PLD5: variants seen among roughly 807,000 people sequenced by gnomAD.
PLD5 encodes the protein inactive phospholipase D5.
A neutral mutation model predicts 61.1 loss-of-function variants in PLD5; 36 were observed. The observed-to-expected ratio is 0.59, with a 90% CI of 0.45 to 0.78. The LOEUF (loss-of-function observed/expected upper bound fraction) is 0.78, where lower values mean the gene tolerates loss of function less well. PLD5 is among the 30% of genes least tolerant of loss of function. The probability of loss-of-function intolerance (pLI) is 0.00; values close to 1 mark genes in which losing one functional copy is unlikely to be tolerated. For missense variants in PLD5, 515 were observed against 644.4 expected (o/e 0.80, Z 2.17); for synonymous variants, 243 against 242.8 (o/e 1.00, Z -0.01).
chr1:242,300,740 TGGGTTGCAGCGGGACAA>T (rs78528281), intron 2 of PLD5, among the ~76,000 whole-genome samples: 127,644 of 151,608 alleles, frequency 0.84, 54,167 homozygotes, highest in East Asian at 0.94. Flanking sequence ...TTGTCAGAAA[TGGGTTGCAGCGGGACAA>T]GGGTTGCAGC....
At chr1:242,271,604 T>A (rs1023119021) in intron 3 of PLD5, among the ~76,000 whole-genome samples, 5 of 151,846 alleles carry the variant, frequency 3.3e-5, no homozygotes, top group African/African-American at 9.7e-5. Context: ...GGCCCAAGAA[T>A]CCTTTACACA....
chr1:242,114,239 GAATT>G (rs1467581972), intron 6 of PLD5, among the ~76,000 whole-genome samples: 1 of 152,078 alleles, frequency 6.6e-6, no homozygotes, highest in Non-Finnish European at 1.5e-5. Flanking sequence ...GTTTTGGAAA[GAATT>G]CTTTTATTAT....
chr1:242,418,559 G>A (rs941907697), intron 1 of PLD5, among the ~76,000 whole-genome samples: 1 of 152,144 alleles, frequency 6.6e-6, no homozygotes, highest in Non-Finnish European at 1.5e-5. Context: ...GGAGACCACA[G>A]CAAAGTCAGG....
At chr1:242,331,615 G>A (rs991845748) in intron 2 of PLD5, among the ~76,000 whole-genome samples, 4 of 152,076 alleles carry the variant, frequency 2.6e-5, no homozygotes, top group South Asian at 2.1e-4. Context: ...AAAGAGACAC[G>A]GCAGATACAA....
rs560597967 is a variant in PLD5, at chr1:242,495,197, A to T, written c.189+28891T>A. Among the ~76,000 whole-genome samples, 42 of 152,174 alleles carry T rather than the reference A, an allele frequency of 2.8e-4. 1 individual carries two copies. The highest frequency in any genetic ancestry group is 1.0e-3 in the African/African-American group (42 of 41,522). ...ACCAAATGCCTTCATTGTCTAATTG[A>T]CAAAGTCCTCTCCAATCTCCCCCAA... On this transcript the variant is annotated intron_variant, in intron 1 of 9. Transcript: ENST00000536534.
At chr1:242,122,189 A>T (rs534767099) in intron 6 of PLD5, among the ~76,000 whole-genome samples, 1 of 152,296 alleles carries the variant, frequency 6.6e-6, no homozygotes, top group South Asian at 2.1e-4. Flanking sequence ...GCCACTTATG[A>T]ATTTGCCCTA....
At position 242,269,086 on chromosome 1, in the gene PLD5, A is replaced by C. The variant is rs187802369; in HGVS notation, c.496-3638T>G. Among the ~76,000 whole-genome samples the C allele has an allele frequency of 2.0e-4, 30 of 151,584 alleles. No individual in the cohort carries two copies. The East Asian group carries it at 5.3e-3, about 27-fold the overall frequency. ...TTGAACTCCTAACTTGAGGTGATCCACCTCCCTCGGCCTCCCAAAGTTCTG... is the reference window on the plus strand; with the variant it reads ...TTGAACTCCTAACTTGAGGTGATCCCCCTCCCTCGGCCTCCCAAAGTTCTG... On this transcript the variant is annotated intron_variant, in intron 3 of 9. Transcript: ENST00000536534.
At chr1:242,192,458 A>C (rs1389834182) in intron 5 of PLD5, among the ~76,000 whole-genome samples, 1 of 152,154 alleles carries the variant, frequency 6.6e-6, no homozygotes, top group Admixed American at 6.5e-5. Flanking sequence ...TCTTAACTCT[A>C]ATTTAAACCC....
intron 1 of PLD5, among the ~76,000 whole-genome samples, chr1:242,391,526 G>A (rs1257249716): frequency 6.6e-6 from 1 of 150,860 alleles, no homozygotes; most frequent in Non-Finnish European, 1.5e-5. Flanking sequence ...GAGACATCAG[G>A]AAGTTAATTG....
chr1:242,292,068 G>T (rs1197881113), intron 2 of PLD5, among the ~76,000 whole-genome samples: 1 of 151,988 alleles, frequency 6.6e-6, no homozygotes, highest in African/African-American at 2.4e-5. Flanking sequence ...AGATGGAAAG[G>T]GGATTATTTG....
chr1:242,457,693 T>C (rs902207837), intron 1 of PLD5, among the ~76,000 whole-genome samples: 5 of 152,068 alleles, frequency 3.3e-5, no homozygotes, highest in Non-Finnish European at 5.9e-5. Flanking sequence ...CCACGCTAAC[T>C]CCTTTACAAC....
chr1:242,110,010 G>A (rs1208442748), intron 7 of PLD5, among the ~76,000 whole-genome samples: 1 of 149,392 alleles, frequency 6.7e-6, no homozygotes. Context: ...CTGAGGCTGA[G>A]GCAGGAGAAT....
At chr1:242,502,006 C>T (rs1397004469) in intron 1 of PLD5, among the ~76,000 whole-genome samples, 1 of 151,924 alleles carries the variant, frequency 6.6e-6, no homozygotes, top group Non-Finnish European at 1.5e-5. Flanking sequence ...GAACAGAAAC[C>T]TGAGAATAGC....
At chr1:242,133,422 T>C (rs533423071) in intron 5 of PLD5, among the ~76,000 whole-genome samples, 7 of 152,306 alleles carry the variant, frequency 4.6e-5, no homozygotes, top group African/African-American at 1.2e-4. Context: ...TCCCACTTTG[T>C]GGAGTATACT....
intron 1 of PLD5, among the ~76,000 whole-genome samples, chr1:242,375,817 T>C (rs1334931272): frequency 6.6e-6 from 1 of 152,154 alleles, no homozygotes; most frequent in African/African-American, 2.4e-5. Context: ...GGTGGCTCAG[T>C]GCTTAAGGTA....
chr1:242,307,358 GAT>G (rs1491144409), intron 2 of PLD5, among the ~76,000 whole-genome samples: 27 of 151,950 alleles, frequency 1.8e-4, no homozygotes, highest in East Asian at 5.8e-4. Flanking sequence ...CGGTGATGAT[GAT>G]GGTGATGATG....
chr1:242,149,666 C>T (rs1392122233), intron 5 of PLD5, among the ~76,000 whole-genome samples: 6 of 136,298 alleles, frequency 4.4e-5, no homozygotes, highest in Non-Finnish European at 7.8e-5. Context: ...AAGTTTTATA[C>T]ACATACACAC....
chr1:242,282,674 T>A (rs115660210), intron 3 of PLD5, among the ~76,000 whole-genome samples: 8,330 of 152,232 alleles, frequency 0.055, 258 homozygotes, highest in Middle Eastern at 0.13. Flanking sequence ...TGTGAGATTT[T>A]TTTTTTTAAC....
At chr1:242,163,357 A>C (rs1666029209) in intron 5 of PLD5, among the ~76,000 whole-genome samples, 2 of 151,898 alleles carry the variant, frequency 1.3e-5, no homozygotes, top group African/African-American at 2.4e-5. Context: ...GTTAGCCAGG[A>C]TGGTCTCCAT....
Sources: allele counts gnomAD v4.1 joint callset (sites outside exome capture counted in the v4.1 genomes callset), GRCh38; gene constraint gnomAD v4.1.1; transcripts MANE v1.5; gene names NCBI Gene and HGNC (gene_info 2026-07-23, HGNC 2026-07-21).